Variants in PDE4B observed in about 807,000 individuals in gnomAD.
The protein encoded by PDE4B is 3',5'-cyclic-AMP phosphodiesterase 4B.
In PDE4B, 20 loss-of-function variants were observed where a neutral mutation model predicts 82.2. The ratio of observed to expected loss-of-function variants is 0.24; its 90% CI spans 0.17 to 0.35. The LOEUF is 0.35. Among genes scored for constraint, PDE4B ranks in the 10% least tolerant of loss-of-function variants. PDE4B has a pLI of 1.00. For synonymous variants in PDE4B, 320 were observed against 318.9 expected, an observed-to-expected ratio of 1.00 and a Z score of -0.04; for missense variants, 655 against 907.2, an observed-to-expected ratio of 0.72 and a Z score of 3.57.
chr1:65,969,690 A>G (rs940324081), intron 3 of PDE4B, among the ~76,000 whole-genome samples: 1 of 152,218 alleles, frequency 6.6e-6, no homozygotes, highest in Non-Finnish European at 1.5e-5. Context: ...TGTATTTTAT[A>G]CTTTTGCCCA....
At chr1:66,187,148 T>TGC (rs2101446365) in intron 3 of PDE4B, among the ~76,000 whole-genome samples, 2 of 152,326 alleles carry the variant, frequency 1.3e-5, no homozygotes, top group South Asian at 4.1e-4. Flanking sequence ...TTGATTTGCA[T>TGC]ATGTTGAACC....
intron 3 of PDE4B, among the ~76,000 whole-genome samples, chr1:66,109,590 G>A (rs1427087265): frequency 6.6e-6 from 1 of 151,856 alleles, no homozygotes; most frequent in East Asian, 1.9e-4. Context: ...GACAGCATTA[G>A]ATAATACTAA....
intron 1 of PDE4B, among the ~76,000 whole-genome samples, chr1:65,876,364 A>G (rs1646643670): frequency 6.6e-6 from 1 of 152,126 alleles, no homozygotes; most frequent in South Asian, 2.1e-4. Flanking sequence ...GTTTATAAAT[A>G]TGATAGCACA....
intron 3 of PDE4B, among the ~76,000 whole-genome samples, chr1:66,050,047 A>G (rs971310644): frequency 2.4e-4 from 37 of 152,048 alleles, no homozygotes; most frequent in African/African-American, 8.7e-4. Flanking sequence ...AGTCCCTTTT[A>G]CCTAGGTTTC....
intron 6 of PDE4B, 138 bp downstream of exon 6, chr1:66,258,001 C>G (rs1435681203): frequency 4.8e-6 from 3 of 628,536 alleles, no homozygotes; most frequent in South Asian, 2.0e-5. Context: ...AATTTGAAAA[C>G]AGGATGGAGC....
At chr1:66,025,715 C>A (rs1452691592) in intron 3 of PDE4B, among the ~76,000 whole-genome samples, 1 of 152,150 alleles carries the variant, frequency 6.6e-6, no homozygotes, top group Non-Finnish European at 1.5e-5. Flanking sequence ...TTAAACTTAA[C>A]CCCTGTTCCC....
intron 3 of PDE4B, among the ~76,000 whole-genome samples, chr1:65,957,329 A>G (rs1375186778): frequency 6.6e-6 from 1 of 151,998 alleles, no homozygotes; most frequent in African/African-American, 2.4e-5. Context: ...GTTCGCCACC[A>G]TTCGTTGACT....
intron 3 of PDE4B, among the ~76,000 whole-genome samples, chr1:66,149,552 G>A (rs1646349509): frequency 6.6e-6 from 1 of 152,108 alleles, no homozygotes; most frequent in Admixed American, 6.6e-5. Context: ...ATTTACTCCT[G>A]TGCTTTCTTC....
intron 3 of PDE4B, among the ~76,000 whole-genome samples, chr1:66,228,714 G>A (rs573504748): frequency 6.6e-6 from 1 of 151,666 alleles, no homozygotes; most frequent in East Asian, 1.9e-4. Flanking sequence ...ATAGTCTAAG[G>A]CCTGACACGA....
rs923334690 is a variant in PDE4B, at chr1:66,266,169, C to T, written c.634+82C>T. On this transcript the variant is annotated intron_variant, in intron 7 of 16. Transcript: ENST00000341517. ...TCTTATTCAGAACTGTTTTTTAGAACAATAGTGTTGTTTGCATATTGTGGC... is the reference window on the plus strand; with the variant it reads ...TCTTATTCAGAACTGTTTTTTAGAATAATAGTGTTGTTTGCATATTGTGGC... The T allele has an allele frequency of 4.5e-6, 5 of 1,106,620 alleles. No homozygotes were observed. The Admixed American group carries it at 8.7e-5, about 19-fold the overall frequency. The allele number at this position is 1,106,620 out of a possible 1,614,324, so 68.6% of individuals were successfully genotyped here.
intron 3 of PDE4B, among the ~76,000 whole-genome samples, chr1:66,030,652 A>G (rs1653721366): frequency 6.6e-6 from 1 of 152,198 alleles, no homozygotes; most frequent in African/African-American, 2.4e-5. Context: ...CAAAAGACAT[A>G]TACACCCATA....
chr1:66,199,055 A>G (rs566982045), intron 3 of PDE4B, among the ~76,000 whole-genome samples: 1,797 of 151,600 alleles, frequency 0.012, 30 homozygotes, highest in African/African-American at 0.041. Flanking sequence ...ATTGTGAATA[A>G]TGCTGCAATA....
rs186859110 is a variant in PDE4B at position 65,800,709 on chromosome 1, C to T, written c.-71+7461C>T. On this transcript the variant is annotated intron_variant, in intron 1 of 16. Coordinates refer to ENST00000341517, the MANE Select transcript of PDE4B (RefSeq NM_002600.4). ...AAGTATTATCCATAAGAAAGATCTC[C>T]AGGAAGTTAATATTTGAATTTGAAA... Among the ~76,000 whole-genome samples, 17 of 152,262 alleles carry T rather than the reference C, an allele frequency of 1.1e-4. No individual in the cohort carries two copies. The East Asian group carries it at 3.1e-3, about 28-fold the overall frequency.
chr1:65,858,515 C>A (rs751759794), intron 1 of PDE4B, among the ~76,000 whole-genome samples: 1 of 152,184 alleles, frequency 6.6e-6, no homozygotes, highest in East Asian at 1.9e-4. Context: ...AAGTTTACAT[C>A]TACTTGGAAA....
chr1:65,851,843 G>A (rs1457142372), intron 1 of PDE4B, among the ~76,000 whole-genome samples: 4 of 151,868 alleles, frequency 2.6e-5, no homozygotes, highest in Non-Finnish European at 5.9e-5. Context: ...TTTGTTATCC[G>A]ATATTGGGGG....
chr1:66,152,588 A>G (rs74084641), intron 3 of PDE4B: 80 of 213,720 alleles, frequency 3.7e-4, no homozygotes, highest in Admixed American at 9.2e-4. Flanking sequence ...GTGCATATAT[A>G]TGTGTGTGTG....
At chr1:65,800,157 G>T (rs1016458048) in intron 1 of PDE4B, among the ~76,000 whole-genome samples, 2 of 152,084 alleles carry the variant, frequency 1.3e-5, no homozygotes, top group Non-Finnish European at 2.9e-5. Context: ...TAAAACCATA[G>T]AATGATAATG....
intron 3 of PDE4B, chr1:65,993,108 C>T (rs921084660): frequency 1.9e-6 from 3 of 1,613,558 alleles, no homozygotes; most frequent in East Asian, 4.5e-5. Context: ...TAAAAGCATT[C>T]GGCAGCGTCG....
intron 3 of PDE4B, among the ~76,000 whole-genome samples, chr1:66,036,308 T>C (rs561202138): frequency 6.6e-6 from 1 of 152,336 alleles, no homozygotes; most frequent in East Asian, 1.9e-4. Context: ...TTCTTTGCTG[T>C]GCAGAGTTTT....
Sources: allele counts gnomAD v4.1 joint callset (sites outside exome capture counted in the v4.1 genomes callset), GRCh38; gene constraint gnomAD v4.1.1; transcripts MANE v1.5; gene names NCBI Gene and HGNC (gene_info 2026-07-23, HGNC 2026-07-21).